ERC2: variants seen among roughly 807,000 people sequenced by gnomAD.
The protein encoded by ERC2 is ELKS/RAB6-interacting/CAST family member 2.
In ERC2, 42 loss-of-function variants were observed where a neutral mutation model predicts 114.8. That is an observed-to-expected ratio of 0.37 (90% CI 0.29 to 0.47). ERC2 has a LOEUF of 0.47. ERC2 is among the 20% of genes least tolerant of loss of function. The probability of loss-of-function intolerance (pLI) is 0.99; values close to 1 mark genes in which losing one functional copy is unlikely to be tolerated. For synonymous variants in ERC2, 454 were observed against 425.5 expected (o/e 1.07, Z -0.82); for missense variants, 939 against 1,150.7 (o/e 0.82, Z 2.66).
chr3:56,389,449 G>C (rs1212257032), intron 2 of ERC2, among the ~76,000 whole-genome samples: 1 of 152,112 alleles, frequency 6.6e-6, no homozygotes, highest in Non-Finnish European at 1.5e-5. Flanking sequence ...CCCTGCCAGG[G>C]AAACCCCAGC....
At position 55,950,579 on chromosome 3, in the gene ERC2, G is replaced by C; in HGVS notation, c.2268-19C>G. The C allele has an allele frequency of 6.2e-7, 1 of 1,613,574 alleles. No homozygotes were observed. Among genetic ancestry groups the C allele is most frequent in the Non-Finnish European group, 8.5e-7 (1 of 1,179,726 alleles). On this transcript the variant is annotated intron_variant, in intron 12 of 17. Coordinates refer to ENST00000288221, the MANE Select transcript of ERC2 (RefSeq NM_015576.3). Reference sequence around the variant, plus strand: ...CATATGCCTGAGAAAAGTCAGCACAGCTTGGTTAAATTCTACCACTGGAAG... The same window carrying C: ...CATATGCCTGAGAAAAGTCAGCACACCTTGGTTAAATTCTACCACTGGAAG...
At chr3:55,707,149 T>C (rs1418917734) in intron 15 of ERC2, among the ~76,000 whole-genome samples, 3 of 152,204 alleles carry the variant, frequency 2.0e-5, no homozygotes. Context: ...AGTTGCTTTC[T>C]GTGGCCAGGC....
chr3:56,316,615 TACAC>T (rs149865319), intron 2 of ERC2, among the ~76,000 whole-genome samples: 6 of 151,678 alleles, frequency 4.0e-5, no homozygotes, highest in Non-Finnish European at 7.4e-5. Flanking sequence ...CACAAACAGA[TACAC>T]ACACACACAC....
chr3:56,110,595 GGAAA>G (rs1480717546), intron 6 of ERC2, among the ~76,000 whole-genome samples: 1 of 152,132 alleles, frequency 6.6e-6, no homozygotes, highest in Admixed American at 6.5e-5. Context: ...AAAGGAACAT[GGAAA>G]GAATTTTTTA....
intron 1 of ERC2, among the ~76,000 whole-genome samples, chr3:56,437,455 G>A (rs75063014): frequency 6.6e-6 from 1 of 152,140 alleles, no homozygotes; most frequent in Admixed American, 6.5e-5. Flanking sequence ...AGGATCAATG[G>A]GTAACTGATG....
intron 6 of ERC2, among the ~76,000 whole-genome samples, chr3:56,089,054 A>T (rs1335370996): frequency 1.3e-5 from 2 of 152,186 alleles, no homozygotes; most frequent in African/African-American, 4.8e-5. Flanking sequence ...TTACTTAAAA[A>T]TATTTCAGCA....
chr3:55,835,897 C>A (rs1348236599), intron 14 of ERC2, among the ~76,000 whole-genome samples: 1 of 151,704 alleles, frequency 6.6e-6, no homozygotes, highest in African/African-American at 2.4e-5. Flanking sequence ...TAAGCAACTT[C>A]AGCAAAGTCT....
chr3:56,121,938 T>C (rs2079603716), intron 6 of ERC2, among the ~76,000 whole-genome samples: 1 of 152,126 alleles, frequency 6.6e-6, no homozygotes, highest in Non-Finnish European at 1.5e-5. Flanking sequence ...ACTCTATGGA[T>C]CCCACCTACA....
chr3:55,722,743 C>T (rs2064655942), intron 15 of ERC2, among the ~76,000 whole-genome samples: 1 of 152,168 alleles, frequency 6.6e-6, no homozygotes, highest in Admixed American at 6.5e-5. Flanking sequence ...GAAAATCTCT[C>T]TCTGCCTCTT....
chr3:56,334,408 T>C (rs2057763137), intron 2 of ERC2, among the ~76,000 whole-genome samples: 1 of 152,208 alleles, frequency 6.6e-6, no homozygotes, highest in African/African-American at 2.4e-5. Flanking sequence ...GATGACCTGA[T>C]TCCTGCAACT....
chr3:55,697,755 G>A (rs2063009957), intron 16 of ERC2, among the ~76,000 whole-genome samples: 2 of 151,974 alleles, frequency 1.3e-5, no homozygotes, highest in African/African-American at 4.8e-5. Context: ...CTCTGTTTTT[G>A]TCTCTCTGTT....
At chr3:55,967,332 T>A (rs982125959) in intron 12 of ERC2, among the ~76,000 whole-genome samples, 9 of 152,274 alleles carry the variant, frequency 5.9e-5, no homozygotes, top group Admixed American at 5.9e-4. Context: ...TAGATGAATA[T>A]GAAAAATATT....
intron 12 of ERC2, among the ~76,000 whole-genome samples, chr3:55,981,472 G>A (rs892862297): frequency 2.0e-5 from 3 of 152,172 alleles, no homozygotes; most frequent in Admixed American, 1.3e-4. Flanking sequence ...CTTCCTTACA[G>A]GAAGTATTGG....
intron 14 of ERC2, among the ~76,000 whole-genome samples, chr3:55,851,041 A>C (rs1389620809): frequency 6.6e-6 from 1 of 152,128 alleles, no homozygotes; most frequent in African/African-American, 2.4e-5. Flanking sequence ...AGCCAGACAG[A>C]AGTCCATGCT....
chr3:55,700,115 T>C (rs2063144177), intron 15 of ERC2, among the ~76,000 whole-genome samples: 1 of 152,194 alleles, frequency 6.6e-6, no homozygotes, highest in South Asian at 2.1e-4. Flanking sequence ...AGGTACAAAG[T>C]CAATGGGAAA....
chr3:55,780,238 T>C (rs753971861), intron 14 of ERC2, among the ~76,000 whole-genome samples: 1 of 152,172 alleles, frequency 6.6e-6, no homozygotes, highest in Non-Finnish European at 1.5e-5. Context: ...GAAGCTTACC[T>C]GGGATTATTA....
intron 12 of ERC2, among the ~76,000 whole-genome samples, chr3:55,967,757 C>T (rs1383202606): frequency 6.6e-6 from 1 of 152,178 alleles, no homozygotes; most frequent in Non-Finnish European, 1.5e-5. Flanking sequence ...AGGCACCGTC[C>T]TTATGAATGG....
chr3:55,872,232 C>T (rs1340026627), intron 14 of ERC2, among the ~76,000 whole-genome samples: 1 of 152,172 alleles, frequency 6.6e-6, no homozygotes, highest in Non-Finnish European at 1.5e-5. Context: ...AGAGGCATCT[C>T]CTGCCTTTGG....
At chr3:55,801,663 G>A (rs143959888) in intron 14 of ERC2, among the ~76,000 whole-genome samples, 7 of 152,330 alleles carry the variant, frequency 4.6e-5, no homozygotes, top group Admixed American at 6.5e-5. Flanking sequence ...AGAGGTTCTC[G>A]AAGTGAGCAC....
Sources: allele counts gnomAD v4.1 joint callset (sites outside exome capture counted in the v4.1 genomes callset), GRCh38; gene constraint gnomAD v4.1.1; transcripts MANE v1.5; gene names NCBI Gene and HGNC (gene_info 2026-07-23, HGNC 2026-07-21).